BANK1: variants seen among roughly 807,000 people sequenced by gnomAD.
BANK1 encodes B cell scaffold protein with ankyrin repeats 1, also known as B-cell scaffold protein with ankyrin repeats.
A neutral mutation model predicts 94.5 loss-of-function variants in BANK1; 95 were observed. The observed-to-expected ratio is 1.00, with a 90% CI of 0.85 to 1.19. The LOEUF is 1.19. BANK1 is among the 50% of genes most tolerant of loss of function. The probability of loss-of-function intolerance (pLI) is 0.00; values close to 1 mark genes in which losing one functional copy is unlikely to be tolerated. For synonymous variants in BANK1, 334 were observed against 308.4 expected, an observed-to-expected ratio of 1.08 and a Z score of -0.87; for missense variants, 987 against 932.2, an observed-to-expected ratio of 1.06 and a Z score of -0.77.
At chr4:102,038,675 A>C (rs1004807032) in intron 10 of BANK1, among the ~76,000 whole-genome samples, 7 of 152,176 alleles carry the variant, frequency 4.6e-5, no homozygotes, top group African/African-American at 1.7e-4. Context: ...ACCAATTGTC[A>C]TCACTCAGAA....
At chr4:101,973,297 A>G (rs1319527665) in intron 7 of BANK1, among the ~76,000 whole-genome samples, 1 of 151,878 alleles carries the variant, frequency 6.6e-6, no homozygotes, top group Non-Finnish European at 1.5e-5. Flanking sequence ...ATAATTAAAA[A>G]CTACAGCCAT....
At chr4:102,041,324 A>C (rs1290658574) in intron 10 of BANK1, among the ~76,000 whole-genome samples, 1 of 152,068 alleles carries the variant, frequency 6.6e-6, no homozygotes, top group Non-Finnish European at 1.5e-5. Flanking sequence ...ATTCTAATGG[A>C]ATATGTGTCC....
At chr4:101,911,577 A>C (rs1722667667) in intron 6 of BANK1, among the ~76,000 whole-genome samples, 1 of 152,166 alleles carries the variant, frequency 6.6e-6, no homozygotes, top group African/African-American at 2.4e-5. Flanking sequence ...AAAATTTATT[A>C]TATTAATTAC....
chr4:101,986,837 A>G (rs1197340130), intron 7 of BANK1, among the ~76,000 whole-genome samples: 8 of 67,828 alleles, frequency 1.2e-4, no homozygotes, highest in African/African-American at 3.8e-4. Flanking sequence ...ATATATGTAT[A>G]TATATGTGTA....
At chr4:101,960,517 G>A (rs184537358) in intron 7 of BANK1, among the ~76,000 whole-genome samples, 2 of 152,040 alleles carry the variant, frequency 1.3e-5, no homozygotes, top group East Asian at 3.9e-4. Flanking sequence ...TGGGTAGTGG[G>A]GAACTAGAAA....
intron 7 of BANK1, among the ~76,000 whole-genome samples, chr4:101,983,583 A>T (rs1236598869): frequency 6.6e-6 from 1 of 152,114 alleles, no homozygotes; most frequent in African/African-American, 2.4e-5. Context: ...TTGTTGGAAG[A>T]CAAGATTATG....
At chr4:102,004,518 T>C (rs2148938142) in intron 7 of BANK1, among the ~76,000 whole-genome samples, 1 of 152,326 alleles carries the variant, frequency 6.6e-6, no homozygotes, top group East Asian at 1.9e-4. Flanking sequence ...CTAGGATCTT[T>C]GGCAGAGAGA....
chr4:101,958,461 A>G (rs1369130334), intron 7 of BANK1, among the ~76,000 whole-genome samples: 1 of 95,856 alleles, frequency 1.0e-5, no homozygotes, highest in Admixed American at 1.2e-4. Context: ...ACTGCCCCCC[A>G]TGCTTTTTTT....
intron 7 of BANK1, among the ~76,000 whole-genome samples, chr4:101,977,295 T>G (rs1015899306): frequency 2.0e-5 from 3 of 152,114 alleles, no homozygotes; most frequent in Admixed American, 2.0e-4. Flanking sequence ...ACACACTGGT[T>G]CTTAAAGCTT....
chr4:101,799,679 C>T (rs1337047859), intron 1 of BANK1, among the ~76,000 whole-genome samples: 1 of 152,058 alleles, frequency 6.6e-6, no homozygotes, highest in Non-Finnish European at 1.5e-5. Context: ...TCGAGGCCAT[C>T]CTGGCTAACA....
chr4:101,910,528 T>C lies in BANK1; in HGVS notation c.1010-7465T>C, dbSNP rs116518609. 6.0e-3 allele frequency among the ~76,000 whole-genome samples: 918 copies of C among 151,808 alleles called. 11 individuals carry two copies. Among genetic ancestry groups the C allele is most frequent in the African/African-American group, 0.02 (846 of 41,382 alleles). On this transcript the variant is annotated intron_variant, in intron 6 of 16. Transcript: ENST00000322953. ...GAAACCCCATCTCTACTAAATTTTC[T>C]ACTAAAAATAGAAAAATTAGCCTGG...
chr4:101,826,560 T>A (rs766839618), intron 1 of BANK1, among the ~76,000 whole-genome samples: 56 of 152,102 alleles, frequency 3.7e-4, no homozygotes, highest in Non-Finnish European at 8.0e-4. Flanking sequence ...CTATATGCAA[T>A]ATGAAGAAAA....
chr4:101,908,697 A>C lies in BANK1; in HGVS notation c.1010-9296A>C, dbSNP rs551648982. Among the ~76,000 whole-genome samples, 42 of 152,342 alleles carry C rather than the reference A, an allele frequency of 2.8e-4. 1 individual carries two copies. The highest frequency in any genetic ancestry group is 2.5e-3 in the Admixed American group (38 of 15,308). On this transcript the variant is annotated intron_variant, in intron 6 of 16. Transcript: ENST00000322953. Reference sequence around the variant, plus strand: ...ATATCCAGAATCTACAATGAACTCAAACAAATTTACAAGAAAAAAACAAAC... The same window carrying C: ...ATATCCAGAATCTACAATGAACTCACACAAATTTACAAGAAAAAAACAAAC...
chr4:101,974,869 A>G (rs1267876026), intron 7 of BANK1, among the ~76,000 whole-genome samples: 1 of 152,038 alleles, frequency 6.6e-6, no homozygotes, highest in African/African-American at 2.4e-5. Context: ...AGGCAGGAGA[A>G]TCACTTGAAC....
chr4:101,818,779 C>T (rs2148857953), intron 1 of BANK1, among the ~76,000 whole-genome samples: 1 of 151,716 alleles, frequency 6.6e-6, no homozygotes, highest in Admixed American at 6.6e-5. Context: ...AGCAAAAAAG[C>T]TTAGTATATA....
rs1727052451 is a variant in BANK1 at position 102,025,396 on chromosome 4, C to G, written c.1481C>G (p.Ala494Gly). 4 of 1,613,934 alleles carry G rather than the reference C, an allele frequency of 2.5e-6. No individual in the cohort carries two copies. Among genetic ancestry groups the G allele is most frequent in the Non-Finnish European group, 3.4e-6 (4 of 1,180,010 alleles). ...GACTTGTATGTGTTCATTCCTGGTG[C>G]TGATCCAGAAAATAATTCACAAGAG... ...YDDLYVFIPGADPENNSQEPL... is the reference protein window; with the variant it reads ...YDDLYVFIPGGDPENNSQEPL... The change falls in exon 9 of 17, where the codon GCT becomes GGT. Residue 494 changes from alanine (A) to glycine (G), a missense_variant. By Grantham distance (60) the Ala-to-Gly change is moderately conservative. Transcript: ENST00000322953.
intron 7 of BANK1, among the ~76,000 whole-genome samples, chr4:102,000,756 A>G (rs1452283061): frequency 6.6e-6 from 1 of 152,230 alleles, no homozygotes; most frequent in East Asian, 1.9e-4. Flanking sequence ...AGAATTAATT[A>G]GATGTGCTGA....
At chr4:101,836,853 C>G (rs921367243) in intron 2 of BANK1, among the ~76,000 whole-genome samples, 4 of 152,162 alleles carry the variant, frequency 2.6e-5, no homozygotes, top group African/African-American at 9.7e-5. Flanking sequence ...AATCCAAAGC[C>G]ATCGGCTCGG....
intron 7 of BANK1, among the ~76,000 whole-genome samples, chr4:101,953,479 C>G (rs1283498534): frequency 6.6e-6 from 1 of 151,820 alleles, no homozygotes; most frequent in Admixed American, 6.6e-5. Flanking sequence ...TATGCTAGTA[C>G]TTGGAAATTT....
Sources: gnomAD v4.1 joint callset for allele counts (sites outside exome capture counted in the v4.1 genomes callset) on GRCh38, gnomAD v4.1.1 for gene constraint, MANE v1.5 for transcripts, NCBI Gene and HGNC (gene_info 2026-07-23, HGNC 2026-07-21) for gene names.